Variants in NEB observed in about 807,000 individuals in gnomAD.
NEB encodes nebulin.
NEB carries 512 observed loss-of-function variants against 952.2 expected under a neutral mutation model. The ratio of observed to expected loss-of-function variants is 0.54; its 90% CI spans 0.50 to 0.58. NEB has a LOEUF of 0.58. Among genes scored for constraint, NEB ranks in the 20% least tolerant of loss-of-function variants. The probability of loss-of-function intolerance (pLI) is 0.00; values close to 1 mark genes in which losing one functional copy is unlikely to be tolerated. For missense variants in NEB, 8,428 were observed against 9,231.1 expected (o/e 0.91, Z 3.56); for synonymous variants, 2,900 against 3,149.8 (o/e 0.92, Z 2.66).
intron 34 of NEB, among the ~76,000 whole-genome samples, chr2:151,676,978 C>A (rs1256542532): frequency 6.6e-6 from 1 of 152,238 alleles, no homozygotes. Flanking sequence ...TTCTGTATAC[C>A]AAACTTTCCT....
In NEB at chr2:151,696,681, G is replaced by A. The variant is rs371548550; in HGVS notation, c.1525C>T (p.Pro509Ser). 6 of 1,613,734 alleles carry A rather than the reference G, an allele frequency of 3.7e-6. No homozygotes were observed. In the African/African-American group the frequency reaches 5.3e-5, roughly 14 times the overall value. Residue 509 changes from proline to serine, a missense_variant, in exon 17 of 182, where the codon CCT becomes TCT. Around this residue, in one of 11 missense-constraint regions of NEB, gnomAD observed 2,851 missense variants for 2,791.5 expected, o/e 1.02. Coordinates refer to ENST00000397345, the MANE Select transcript of NEB (RefSeq NM_001164508.2). The part of the protein sequence containing the change: ...KTKFTQVTDS[P>S]VLLQAQVNSK... ...TTGACTTGGGCTTGTAGCAGAACAGGAGAGTCTGTAACTTGGGTGAATTTT... is the reference window on the plus strand; with the variant it reads ...TTGACTTGGGCTTGTAGCAGAACAGAAGAGTCTGTAACTTGGGTGAATTTT...
At chr2:151,619,008 G>A (rs908467729) in intron 73 of NEB, among the ~76,000 whole-genome samples, 6 of 152,068 alleles carry the variant, frequency 3.9e-5, no homozygotes, top group African/African-American at 7.2e-5. Context: ...GACTGGTTTC[G>A]AAAAACGTAA....
intron 161 of NEB, among the ~76,000 whole-genome samples, chr2:151,508,662 T>C (rs1378449186): frequency 6.6e-6 from 1 of 152,206 alleles, no homozygotes; most frequent in African/African-American, 2.4e-5. Flanking sequence ...TTCCAGAATA[T>C]GGCTCTTGAT....
At chr2:151,662,011 T>C in intron 46 of NEB, 124 bp downstream of exon 46, 1 of 749,052 alleles carries the variant, frequency 1.3e-6, no homozygotes, top group Non-Finnish European at 2.0e-6. Context: ...AGACTCTTTT[T>C]CTAGGTAAAA....
intron 13 of NEB, among the ~76,000 whole-genome samples, chr2:151,699,921 G>C (rs1308674361): frequency 6.6e-6 from 1 of 150,844 alleles, no homozygotes; most frequent in Non-Finnish European, 1.5e-5. Flanking sequence ...TGGTGTTTTA[G>C]ACAGGAAGTC....
Position 151,531,028 on chromosome 2 carries a change from A to C in NEB, c.21596T>G (p.Leu7199Arg). ...YTTIHDTPML[L>R]HVRKVKDEVS... ...TTCATCTTTAACCTTGCGGACATGCAGCAACATGGGTGTGTCGTGGATTGT... is the reference window on the plus strand; with the variant it reads ...TTCATCTTTAACCTTGCGGACATGCCGCAACATGGGTGTGTCGTGGATTGT... Residue 7199 changes from leucine (L) to arginine (R), a missense_variant, in exon 145 of 182, where the codon CTG becomes CGG. This residue lies in a region of NEB where 3,374 missense variants were observed against 3,651.5 expected (regional missense o/e 0.92). Transcript: ENST00000397345. 6.2e-7 allele frequency: 1 copy of C among 1,613,560 alleles called. No homozygotes were observed. Among genetic ancestry groups the C allele is most frequent in the African/African-American group, 1.3e-5 (1 of 75,054 alleles).
At chr2:151,550,947 AATTATT>A (rs5835373) in intron 129 of NEB, among the ~76,000 whole-genome samples, 101 of 138,886 alleles carry the variant, frequency 7.3e-4, no homozygotes, top group South Asian at 1.7e-3. Context: ...GCCTGGCCAA[AATTATT>A]ATTATTATTA....
intron 134 of NEB, 63 bp downstream of exon 134, chr2:151,546,282 G>T: frequency 7.7e-7 from 1 of 1,298,776 alleles, no homozygotes; most frequent in Non-Finnish European, 1.1e-6. Context: ...AGCCCTGGAG[G>T]CTGGTGATGG....
chr2:151,564,489 G>A (rs957774138), intron 117 of NEB, among the ~76,000 whole-genome samples: 2 of 152,054 alleles, frequency 1.3e-5, no homozygotes, highest in Non-Finnish European at 2.9e-5. Context: ...CTATTTTTGC[G>A]GTCCTAGTAA....
Position 151,494,248 on chromosome 2 carries a change from C to G in NEB, c.24492G>C (p.Leu8164Phe). 6.3e-7 allele frequency: 1 copy of G among 1,594,226 alleles called. No homozygotes were observed. The highest frequency in any genetic ancestry group is 8.6e-7 in the Non-Finnish European group (1 of 1,168,406). The change falls in exon 174 of 182, where the codon TTG (leucine) becomes TTC (phenylalanine). Residue 8164 changes from leucine (L) to phenylalanine (F), a missense_variant. By Grantham distance (22) the Leu-to-Phe change is conservative. Transcript: ENST00000397345. ...KHNQENISSV[L>F]YKENVGKATA... ...TGGCTTTCCCCACATTTTCTTTGTA[C>G]AAAACCTATGGGAATCCAATGGGTC...
At chr2:151,518,893 A>C (rs1232295171) in intron 155 of NEB, 72 bp downstream of exon 155, 30 of 993,524 alleles carry the variant, frequency 3.0e-5, no homozygotes, top group Non-Finnish European at 4.8e-5. Flanking sequence ...AAGAAGATGC[A>C]TCTGGGCTCA....
intron 10 of NEB, 120 bp downstream of exon 10, chr2:151,717,296 T>C (rs1397566805): frequency 5.4e-6 from 4 of 741,628 alleles, no homozygotes; most frequent in African/African-American, 5.2e-5. Flanking sequence ...GGATCATATG[T>C]AAAAATACTC....
intron 42 of NEB, 102 bp from the exon 43 acceptor site, chr2:151,664,965 T>C (rs1375144107): frequency 4.9e-6 from 4 of 819,580 alleles, no homozygotes; most frequent in Non-Finnish European, 7.6e-6. Flanking sequence ...AGAGGTTAAA[T>C]GGATATTAGA....
At chr2:151,608,879 G>C (rs1449347796) in intron 81 of NEB, among the ~76,000 whole-genome samples, 1 of 80,052 alleles carries the variant, frequency 1.2e-5, no homozygotes, top group East Asian at 3.5e-4. Context: ...CTCCAGCCTG[G>C]GCAACAAGAG....
intron 144 of NEB, among the ~76,000 whole-genome samples, 198 bp downstream of exon 144, chr2:151,531,594 G>A (rs1313760615): frequency 1.3e-5 from 2 of 152,170 alleles, no homozygotes; most frequent in African/African-American, 2.4e-5. Flanking sequence ...TGGAATTACA[G>A]GCATAAGCCA....
At chr2:151,668,923 G>T in intron 39 of NEB, 104 bp downstream of exon 39, 1 of 830,928 alleles carries the variant, frequency 1.2e-6, no homozygotes, top group Non-Finnish European at 1.9e-6. Context: ...GAGGCTCAGG[G>T]TCCACACTGA....
At position 151,640,359 on chromosome 2, in the gene NEB, C is replaced by T. The variant is rs1420993227; in HGVS notation, c.8681G>A (p.Ser2894Asn). The T allele has an allele frequency of 1.2e-6, 2 of 1,613,598 alleles. No homozygotes were observed. The highest frequency in any genetic ancestry group is 1.3e-5 in the African/African-American group (1 of 75,040). The change falls in exon 61 of 182, where the codon AGC becomes AAC. Residue 2894 changes from serine to asparagine, a missense_variant. This residue lies in a region of NEB where 1,772 missense variants were observed against 1,960.3 expected (regional missense o/e 0.90). Coordinates refer to ENST00000397345, the MANE Select transcript of NEB (RefSeq NM_001164508.2). The part of the protein sequence containing the change: ...IHARQAYDLQ[S>N]DNMYKSDLQW... ...ATTATGACTCTCAGTACTCACATCG[C>T]TCTGGAGGTCATAGGCCTGCCGAGC...
At chr2:151,704,916 T>A (rs751994032) in intron 13 of NEB, among the ~76,000 whole-genome samples, 9 of 152,178 alleles carry the variant, frequency 5.9e-5, no homozygotes, top group Non-Finnish European at 2.9e-5. Context: ...GAAACCAATA[T>A]GCCACCTCTG....
chr2:151,491,058 G>GGGGT (rs61122586), intron 179 of NEB: 9,516 of 150,394 alleles, frequency 0.063, 1,005 homozygotes, highest in African/African-American at 0.22. Flanking sequence ...TTTTTGAGAT[G>GGGGT]GGGTCTCTGT....
Sources: gnomAD v4.1 joint callset for allele counts (sites outside exome capture counted in the v4.1 genomes callset) on GRCh38, gnomAD v4.1.1 for gene constraint, gnomAD v4.1.1 regional missense constraint, MANE v1.5 for transcripts, NCBI Gene and HGNC (gene_info 2026-07-23, HGNC 2026-07-21) for gene names.